COA8: variants seen among roughly 807,000 people sequenced by gnomAD.
COA8 encodes the protein cytochrome c oxidase assembly factor 8.
A neutral mutation model predicts 22.0 loss-of-function variants in COA8; 20 were observed. The observed-to-expected ratio is 0.91, with a 90% CI of 0.64 to 1.32. The LOEUF is 1.32. Ranked by LOEUF, COA8 falls within the 40% of genes most tolerant of loss-of-function variation. COA8 has a pLI of 0.00. For missense variants in COA8, 266 were observed against 230.0 expected (o/e 1.16, Z -1.01); for synonymous variants, 105 against 79.9 (o/e 1.31, Z -1.68).
At position 103,563,139 on chromosome 14, in the gene COA8, G is replaced by C; in HGVS notation, c.123+15G>C. On this transcript the variant is annotated intron_variant, in intron 1 of 4. Transcript: ENST00000409074. ...CGCCCAGCGGGGTAAGCAGGGGCCTGGGGACATTGGGCCGGGAGGGGTGAC... is the reference window on the plus strand; with the variant it reads ...CGCCCAGCGGGGTAAGCAGGGGCCTCGGGACATTGGGCCGGGAGGGGTGAC... 2.6e-6 allele frequency: 4 copies of C among 1,540,642 alleles called. No individual in the cohort carries two copies. Among genetic ancestry groups the C allele is most frequent in the Non-Finnish European group, 3.5e-6 (4 of 1,149,132 alleles).
At chr14:103,583,402 G>A (rs1399844699) in intron 3 of COA8, among the ~76,000 whole-genome samples, 1 of 151,992 alleles carries the variant, frequency 6.6e-6, no homozygotes, top group Non-Finnish European at 1.5e-5. Context: ...TTAGCTGGGT[G>A]TGGTGGCGGG....
chr14:103,574,225 A>C lies in COA8; in HGVS notation c.385+55A>C, dbSNP rs758262953. 4.4e-6 allele frequency: 7 copies of C among 1,605,738 alleles called. No homozygotes were observed. The African/African-American group carries it at 9.4e-5, about 22-fold the overall frequency. The stretch of plus-strand genomic sequence containing the variant: ...GCTTTCTTTGCGTTTGAGCTAGTCC[A>C]TGAAAAGGGAAAGGAAGGGCGGTGA... On this transcript the variant is annotated intron_variant, in intron 3 of 4. Coordinates refer to ENST00000409074, the MANE Select transcript of COA8 (RefSeq NM_001370595.2).
rs774599759 is a variant in COA8, at chr14:103,571,671, C to A, written c.172C>A (p.Pro58Thr). 2.5e-6 allele frequency: 4 copies of A among 1,614,014 alleles called. No homozygotes were observed. Among genetic ancestry groups the A allele is most frequent in the Admixed American group, 3.3e-5 (2 of 60,000 alleles). ...PRKSCHDWIG[P>T]PDKYSNLRPV... ...AAAGTCTTGCCATGATTGGATAGGA[C>A]CCCCAGATAAATATTCAAACCTTCG... The change falls in exon 2 of 5, where the codon CCC becomes ACC. Residue 58 changes from proline to threonine, a missense_variant. Physicochemically the swap from Pro to Thr is conservative, Grantham distance 38. Transcript: ENST00000409074.
intron 3 of COA8, among the ~76,000 whole-genome samples, chr14:103,584,614 C>G (rs1417927058): frequency 1.3e-5 from 2 of 152,112 alleles, no homozygotes; most frequent in African/African-American, 4.8e-5. Flanking sequence ...TTCAGAGTGG[C>G]CTGACCTATT....
At chr14:103,569,624 C>T (rs2076166014) in intron 1 of COA8, among the ~76,000 whole-genome samples, 1 of 152,202 alleles carries the variant, frequency 6.6e-6, no homozygotes, top group African/African-American at 2.4e-5. Context: ...GCTGCAGACA[C>T]CCGGGTCAGC....
Position 103,587,183 on chromosome 14 carries a change from C to G in COA8, c.386-91C>G, listed in dbSNP as rs2076314064. 8 of 948,782 alleles carry G rather than the reference C, an allele frequency of 8.4e-6. 1 individual carries two copies. The highest frequency in any genetic ancestry group is 1.3e-5 in the Non-Finnish European group (8 of 622,478). 58.8% of individuals were successfully genotyped at this position (948,782 alleles called of 1,614,324 possible). ...GTATATTGGTCTTGTATATATCCTG[C>G]AAGCTTGCTGAACTCATTTATTAGC... On this transcript the variant is annotated intron_variant, in intron 3 of 4. Transcript: ENST00000409074.
intron 3 of COA8, among the ~76,000 whole-genome samples, chr14:103,583,541 CAAAAAAAAAAAAAAAA>C (rs35726464): frequency 1.9e-5 from 1 of 53,104 alleles, no homozygotes; most frequent in Non-Finnish European, 3.5e-5. Context: ...GACTCGATCT[CAAAAAAAAAAAAAAAA>C]AAAAAAAAAG....
intron 1 of COA8, among the ~76,000 whole-genome samples, chr14:103,569,925 C>T (rs1473723219): frequency 2.6e-5 from 4 of 152,090 alleles, no homozygotes; most frequent in Non-Finnish European, 5.9e-5. Flanking sequence ...GGTGCGATCT[C>T]GGCTCACTGC....
intron 4 of COA8, chr14:103,588,419 G>A (rs2076326594): frequency 2.7e-6 from 1 of 370,686 alleles, no homozygotes; most frequent in African/African-American, 2.1e-5. Flanking sequence ...ATTCCAGCCT[G>A]GATGGCAGAC....
chr14:103,574,056 CAG>C (rs1566980597), intron 2 of COA8, 49 bp from the exon 3 acceptor site: 2 of 1,456,330 alleles, frequency 1.4e-6, no homozygotes, highest in Non-Finnish European at 1.8e-6. Flanking sequence ...AATGGAAAGA[CAG>C]AGAAAGGAGT....
chr14:103,571,971 C>G, intron 2 of COA8, 151 bp downstream of exon 2: 1 of 643,294 alleles, frequency 1.6e-6, no homozygotes, highest in Non-Finnish European at 2.5e-6. Flanking sequence ...ACTAAAAATA[C>G]AAAAAATTAG....
chr14:103,570,888 G>A (rs550273274), intron 1 of COA8, among the ~76,000 whole-genome samples: 65 of 152,314 alleles, frequency 4.3e-4, no homozygotes, highest in African/African-American at 1.4e-3. Flanking sequence ...GCTTGCTGCC[G>A]ATTGGTCTGG....
intron 1 of COA8, chr14:103,563,495 C>G (rs73361328): frequency 2.6e-6 from 1 of 384,450 alleles, no homozygotes; most frequent in Admixed American, 3.9e-5. Context: ...GGCTTTGTTA[C>G]AATTATTAGT....
intron 1 of COA8, among the ~76,000 whole-genome samples, chr14:103,568,478 T>C (rs996818443): frequency 2.2e-4 from 34 of 151,514 alleles, no homozygotes; most frequent in African/African-American, 6.6e-4. Context: ...CACACACACA[T>C]ATATACACAC....
rs139609851 is a variant in COA8, at chr14:103,587,288, T to C, written c.400T>C (p.Leu134=). The C allele has an allele frequency of 3.5e-5, 57 of 1,613,232 alleles. No homozygotes were observed. Among genetic ancestry groups the C allele is most frequent in the Non-Finnish European group, 4.2e-5 (50 of 1,179,614 alleles). Residue 134 remains leucine, a synonymous_variant, in exon 4 of 5, where the codon TTG becomes CTG. Coordinates refer to ENST00000409074, the MANE Select transcript of COA8 (RefSeq NM_001370595.2). ...LRTESGQKAT[L]NAEEMADFYK... ...TTACCTTTCAGGTCAGAAAGCAACA[T>C]TGAATGCAGAAGAAATGGCGGACTT...
chr14:103,574,895 A>C lies in COA8; in HGVS notation c.385+725A>C, dbSNP rs577460273. Among the ~76,000 whole-genome samples, 3 of 152,330 alleles carry C rather than the reference A, an allele frequency of 2.0e-5. No homozygotes were observed. The South Asian group carries it at 6.2e-4, about 32-fold the overall frequency. On this transcript the variant is annotated intron_variant, in intron 3 of 4. Coordinates refer to ENST00000409074, the MANE Select transcript of COA8 (RefSeq NM_001370595.2). ...TTGGGTCCTGTGCTGGACACTGTGC[A>C]AGTCCTGTGCATATATCACCTGTTG...
intron 3 of COA8, among the ~76,000 whole-genome samples, chr14:103,580,333 G>A (rs1170941839): frequency 6.6e-6 from 1 of 151,376 alleles, no homozygotes; most frequent in African/African-American, 2.4e-5. Flanking sequence ...TTTCGAGATG[G>A]AGTATCAATC....
rs184519059 is a variant in COA8 at position 103,577,513 on chromosome 14, G to A, written c.385+3343G>A. Among the ~76,000 whole-genome samples the A allele has an allele frequency of 1.5e-3, 233 of 152,274 alleles. 1 individual carries two copies. Among genetic ancestry groups the A allele is most frequent in the Middle Eastern group, 0.014 (4 of 294 alleles). On this transcript the variant is annotated intron_variant, in intron 3 of 4. Transcript: ENST00000409074. ...CAGAAAATCCTCAGCCCCTTTTCCAGAAGAATTTAGCTACACATATTTACA... is the reference window on the plus strand; with the variant it reads ...CAGAAAATCCTCAGCCCCTTTTCCAAAAGAATTTAGCTACACATATTTACA...
At chr14:103,573,016 C>T (rs768039336) in intron 2 of COA8, among the ~76,000 whole-genome samples, 2 of 151,672 alleles carry the variant, frequency 1.3e-5, no homozygotes, top group Non-Finnish European at 1.5e-5. Context: ...CTCCTGACCT[C>T]GTGATCCGCC....
Sources: allele counts gnomAD v4.1 joint callset (sites outside exome capture counted in the v4.1 genomes callset), GRCh38; gene constraint gnomAD v4.1.1; transcripts MANE v1.5; gene names NCBI Gene and HGNC (gene_info 2026-07-23, HGNC 2026-07-21).